AFF1: variants seen among roughly 807,000 people sequenced by gnomAD.
AFF1 encodes AF4/FMR2 family member 1.
A neutral mutation model predicts 121.7 loss-of-function variants in AFF1; 48 were observed. The ratio of observed to expected loss-of-function variants is 0.39; its 90% confidence interval spans 0.31 to 0.50. AFF1 has a LOEUF of 0.50. Ranked by LOEUF, AFF1 falls within the 20% of genes least tolerant of loss-of-function variation. The pLI, the probability that AFF1 is intolerant of heterozygous loss-of-function variation, is 0.76. For missense variants in AFF1, 1,523 were observed against 1,511.7 expected (o/e 1.01, Z -0.12); for synonymous variants, 613 against 563.0 (o/e 1.09, Z -1.26).
At chr4:87,048,030 TTTGA>T in intron 4 of AFF1, 1 of 197,042 alleles carries the variant, frequency 5.1e-6, no homozygotes, top group Admixed American at 5.3e-5. Flanking sequence ...AAAAATTTTT[TTTGA>T]TTAATACCTC....
At position 87,120,497 on chromosome 4, in the gene AFF1, G is replaced by A. The variant is rs551371981; in HGVS notation, c.2467-4540G>A. 3.1e-4 allele frequency among the ~76,000 whole-genome samples: 47 copies of A among 152,348 alleles called. 1 individual carries two copies. In the South Asian group the frequency reaches 9.7e-3, roughly 32 times the overall value. ...GGCACTAACATGGCTTGACTGCTGA[G>A]TAAAAATAGATCTGCAGCTCAGGCA... On this transcript the variant is annotated intron_variant, in intron 12 of 20. Transcript: ENST00000395146.
At chr4:87,022,580 A>ATATATATCTATC (rs1399457511) in intron 2 of AFF1, among the ~76,000 whole-genome samples, 1 of 89,356 alleles carries the variant, frequency 1.1e-5, no homozygotes, top group Admixed American at 1.2e-4. Flanking sequence ...ATATATATAT[A>ATATATATCTATC]TATCTATCTA....
At position 87,047,220 on chromosome 4, in the gene AFF1, C is replaced by T. The variant is rs1490027674; in HGVS notation, c.685C>T (p.Pro229Ser). 2 of 1,614,046 alleles carry T rather than the reference C, an allele frequency of 1.2e-6. No homozygotes were observed. The highest frequency in any genetic ancestry group is 2.2e-5 in the East Asian group (1 of 44,888). ...SPIHSNQQTLPRTQGSSKVHG... is the reference protein window; with the variant it reads ...SPIHSNQQTLSRTQGSSKVHG... The stretch of plus-strand genomic sequence containing the variant: ...TATACATTCCAACCAGCAAACTCTT[C>T]CCCGGACGCAAGGAAGCAGCAAGGT... Residue 229 changes from proline to serine, a missense_variant, in exon 4 of 21, where the codon CCC (proline) becomes TCC (serine). Around this residue, in one of 5 missense-constraint regions of AFF1, gnomAD observed 369 missense variants for 367.2 expected, o/e 1.00. Coordinates refer to ENST00000395146, the MANE Select transcript of AFF1 (RefSeq NM_001166693.3).
At chr4:87,103,910 T>C (rs1725664565) in intron 8 of AFF1, among the ~76,000 whole-genome samples, 1 of 152,240 alleles carries the variant, frequency 6.6e-6, no homozygotes, top group African/African-American at 2.4e-5. Flanking sequence ...TGGTGACTAA[T>C]GCTGAATACA....
chr4:87,017,069 ATATG>A (rs1578069445), intron 2 of AFF1, among the ~76,000 whole-genome samples: 1 of 144,974 alleles, frequency 6.9e-6, no homozygotes, highest in Admixed American at 7.0e-5. Flanking sequence ...GGACATATAT[ATATG>A]TGTGTGTGTG....
intron 2 of AFF1, among the ~76,000 whole-genome samples, chr4:86,958,367 A>G (rs952461486): frequency 6.6e-5 from 10 of 152,088 alleles, no homozygotes; most frequent in African/African-American, 2.4e-4. Context: ...CTGGGATTAC[A>G]GGCGTGAGTC....
At chr4:87,028,642 C>G (rs1032932852) in intron 2 of AFF1, among the ~76,000 whole-genome samples, 2 of 152,096 alleles carry the variant, frequency 1.3e-5, no homozygotes, top group African/African-American at 4.8e-5. Flanking sequence ...TTTTTCTTCA[C>G]CTAGGTTGTC....
At chr4:86,949,942 G>T in intron 2 of AFF1, 1 of 1,614,104 alleles carries the variant, frequency 6.2e-7, no homozygotes, top group Non-Finnish European at 8.5e-7. Context: ...CGGGCCGCAG[G>T]TCCCGCAGGG....
chr4:87,027,228 T>C (rs184390919), intron 2 of AFF1, among the ~76,000 whole-genome samples: 13 of 152,370 alleles, frequency 8.5e-5, no homozygotes, highest in Admixed American at 3.3e-4. Flanking sequence ...CATGTGTCTC[T>C]ACTAGATTGC....
intron 2 of AFF1, among the ~76,000 whole-genome samples, chr4:87,032,804 A>G (rs930697883): frequency 2.0e-5 from 3 of 151,896 alleles, no homozygotes; most frequent in Non-Finnish European, 4.4e-5. Flanking sequence ...TTTTTGGTTT[A>G]TTCAGTAATT....
rs1197379337 is a variant in AFF1, at chr4:87,140,277, G to A, written c.*4576G>A. 1.0e-5 allele frequency: 2 copies of A among 193,190 alleles called. No individual in the cohort carries two copies. The highest frequency in any genetic ancestry group is 2.3e-5 in the African/African-American group (1 of 43,014). The allele number at this position is 193,190 out of a possible 1,614,324, so 12.0% of individuals were successfully genotyped here. On this transcript the variant is annotated 3_prime_UTR_variant, in exon 21 of 21. Transcript: ENST00000395146. ...AGCATTCACCTTTGTTCAGGCCATCGACATGTATTGTTAAAATTACTGCAT... is the reference window on the plus strand; with the variant it reads ...AGCATTCACCTTTGTTCAGGCCATCAACATGTATTGTTAAAATTACTGCAT...
At chr4:86,948,414 C>T (rs1297817625) in intron 1 of AFF1, 84 bp from the exon 2 acceptor site, 1 of 858,182 alleles carries the variant, frequency 1.2e-6, no homozygotes, top group Non-Finnish European at 1.7e-6. Context: ...ATTCTGTCTC[C>T]AATAAAGCTT....
Position 87,022,772 on chromosome 4 carries a change from G to GTA in AFF1, c.39-23385_39-23384dup, listed in dbSNP as rs531375419. Reference sequence around the variant, plus strand: ...TATATATATATAATATCATGTGTGTGTATATATATACATATCACGTGTGTG... The same window carrying GTA: ...TATATATATATAATATCATGTGTGTGTATATATATATACATATCACGTGTGTG... On this transcript the variant is annotated intron_variant, in intron 2 of 20. Coordinates refer to ENST00000395146, the MANE Select transcript of AFF1 (RefSeq NM_001166693.3). 3.2e-4 allele frequency among the ~76,000 whole-genome samples: 48 copies of GTA among 149,908 alleles called. No individual in the cohort carries two copies. The East Asian group carries it at 4.5e-3, about 14-fold the overall frequency.
At chr4:87,007,473 A>T in intron 2 of AFF1, 9 of 1,612,464 alleles carry the variant, frequency 5.6e-6, no homozygotes, top group Non-Finnish European at 6.8e-6. Context: ...TGGCGAGGGG[A>T]GCTGAAGGTT....
At chr4:87,133,007 A>C (rs933434823) in intron 19 of AFF1, among the ~76,000 whole-genome samples, 1 of 152,192 alleles carries the variant, frequency 6.6e-6, no homozygotes, top group African/African-American at 2.4e-5. Flanking sequence ...AGCTTTGAGG[A>C]TCTTTAGATA....
intron 2 of AFF1, among the ~76,000 whole-genome samples, chr4:87,040,118 C>T (rs1729981456): frequency 6.6e-6 from 1 of 152,196 alleles, no homozygotes; most frequent in African/African-American, 2.4e-5. Flanking sequence ...TCTCAAACCC[C>T]TGACGACCTC....
intron 4 of AFF1, among the ~76,000 whole-genome samples, chr4:87,053,301 A>G (rs994457453): frequency 1.3e-5 from 2 of 152,118 alleles, no homozygotes; most frequent in Admixed American, 1.3e-4. Flanking sequence ...AGATGCTTGC[A>G]TTTAATTTCC....
At chr4:86,986,485 T>G (rs1193140619) in intron 2 of AFF1, among the ~76,000 whole-genome samples, 8 of 152,200 alleles carry the variant, frequency 5.3e-5, no homozygotes, top group African/African-American at 1.9e-4. Flanking sequence ...TCCAAAAATT[T>G]AGACAGAAAT....
intron 2 of AFF1, among the ~76,000 whole-genome samples, chr4:87,037,984 A>T (rs1729736153): frequency 8.3e-6 from 1 of 120,332 alleles, no homozygotes. Context: ...AAAAATAAAT[A>T]CTATAATAAA....
Sources: gnomAD v4.1 joint callset for allele counts (sites outside exome capture counted in the v4.1 genomes callset) on GRCh38, gnomAD v4.1.1 for gene constraint, gnomAD v4.1.1 regional missense constraint, MANE v1.5 for transcripts, NCBI Gene and HGNC (gene_info 2026-07-23, HGNC 2026-07-21) for gene names.